The following PCDH15 variants were observed in gnomAD, a reference collection of about 807,000 sequenced individuals.
The protein encoded by PCDH15 is protocadherin-15.
In PCDH15, 129 loss-of-function variants were observed where a neutral mutation model predicts 178.5. The ratio of observed to expected loss-of-function variants is 0.72; its 90% CI spans 0.63 to 0.84. The LOEUF (loss-of-function observed/expected upper bound fraction) is 0.84. Ranked by LOEUF, PCDH15 falls within the 40% of genes least tolerant of loss-of-function variation. The probability of loss-of-function intolerance (pLI) is 0.00; values close to 1 mark genes in which losing one functional copy is unlikely to be tolerated. For missense variants in PCDH15, 2,230 were observed against 2,099.9 expected (o/e 1.06, Z -1.21); for synonymous variants, 800 against 732.0 (o/e 1.09, Z -1.50).
At chr10:54,336,446 C>T (rs1255649269) in intron 6 of PCDH15, among the ~76,000 whole-genome samples, 1 of 152,148 alleles carries the variant, frequency 6.6e-6, no homozygotes, top group South Asian at 2.1e-4. Context: ...CCTGGACCCC[C>T]CTTTCCGTGT....
At chr10:55,414,945 G>A (rs1565115210) in intron 2 of PCDH15, among the ~76,000 whole-genome samples, 1 of 151,460 alleles carries the variant, frequency 6.6e-6, no homozygotes, top group East Asian at 1.9e-4. Flanking sequence ...GTTCTTGCTA[G>A]TATCTAGCAC....
intron 3 of PCDH15, among the ~76,000 whole-genome samples, chr10:54,839,516 T>C (rs866177272): frequency 3.3e-5 from 5 of 152,140 alleles, no homozygotes; most frequent in African/African-American, 4.8e-5. Flanking sequence ...AGAGGATCCA[T>C]GGACAGCATC....
At chr10:55,418,905 G>T (rs1589008492) in intron 2 of PCDH15, among the ~76,000 whole-genome samples, 1 of 151,160 alleles carries the variant, frequency 6.6e-6, no homozygotes, top group Non-Finnish European at 1.5e-5. Context: ...ATGAGGAAGA[G>T]TTGGAGAATG....
chr10:55,006,664 C>T (rs948655653), intron 2 of PCDH15, among the ~76,000 whole-genome samples: 12 of 152,130 alleles, frequency 7.9e-5, no homozygotes, highest in African/African-American at 2.7e-4. Context: ...GGGGCTGAAC[C>T]CTGCAAAGCC....
At chr10:54,785,284 TTC>T (rs1247549350) in intron 1 of PCDH15, among the ~76,000 whole-genome samples, 3 of 152,044 alleles carry the variant, frequency 2.0e-5, no homozygotes, top group South Asian at 2.1e-4. Context: ...CAACATTTTT[TTC>T]TCTTATTGTT....
chr10:54,715,691 T>C (rs67541810), intron 1 of PCDH15, among the ~76,000 whole-genome samples: 18,533 of 151,918 alleles, frequency 0.12, 1,264 homozygotes, highest in African/African-American at 0.17. Context: ...ACACAGACAA[T>C]TTAGTACAGC....
At chr10:54,124,529 A>C (rs1267470689) in intron 15 of PCDH15, among the ~76,000 whole-genome samples, 1 of 152,264 alleles carries the variant, frequency 6.6e-6, no homozygotes, top group African/African-American at 2.4e-5. Flanking sequence ...GGAATTTGCC[A>C]GATGAACAAG....
At chr10:55,178,848 C>T (rs7915297) in intron 1 of PCDH15, among the ~76,000 whole-genome samples, 71,851 of 151,812 alleles carry the variant, frequency 0.47, 17,318 homozygotes, top group East Asian at 0.67. Context: ...CCTGAATGCC[C>T]ATGGGATTAT....
At chr10:54,752,869 A>G (rs1946539823) in intron 1 of PCDH15, among the ~76,000 whole-genome samples, 1 of 152,140 alleles carries the variant, frequency 6.6e-6, no homozygotes, top group Non-Finnish European at 1.5e-5. Flanking sequence ...CATCTAAAAC[A>G]GGGTAAAATT....
intron 2 of PCDH15, among the ~76,000 whole-genome samples, chr10:54,920,468 CAAAAAA>C (rs71014429): frequency 5.2e-5 from 3 of 57,790 alleles, no homozygotes; most frequent in Non-Finnish European, 9.1e-5. Flanking sequence ...GACTGTGTCT[CAAAAAA>C]AAAAAAAAAA....
chr10:55,535,296 G>A (rs1841549088), intron 2 of PCDH15, among the ~76,000 whole-genome samples: 1 of 151,996 alleles, frequency 6.6e-6, no homozygotes, highest in Non-Finnish European at 1.5e-5. Context: ...ATGCTTCCAG[G>A]AACATTTGAG....
At chr10:54,558,170 C>T (rs142206774) in intron 2 of PCDH15, among the ~76,000 whole-genome samples, 495 of 152,178 alleles carry the variant, frequency 3.3e-3, no homozygotes, top group African/African-American at 0.011. Context: ...TATTATTTAT[C>T]CTCCAGCTTA....
intron 27 of PCDH15, among the ~76,000 whole-genome samples, chr10:53,858,523 G>A (rs1391300680): frequency 6.6e-6 from 1 of 152,116 alleles, no homozygotes; most frequent in African/African-American, 2.4e-5. Flanking sequence ...AGATATTTCA[G>A]TTTTTCAGGA....
intron 15 of PCDH15, among the ~76,000 whole-genome samples, chr10:54,091,211 C>T (rs16937897): frequency 0.015 from 2,246 of 152,234 alleles, 60 homozygotes; most frequent in African/African-American, 0.05. Flanking sequence ...AGAGAGTTGA[C>T]AGAATGATCT....
At chr10:54,295,492 C>T (rs868144940) in intron 8 of PCDH15, among the ~76,000 whole-genome samples, 1 of 152,174 alleles carries the variant, frequency 6.6e-6, no homozygotes, top group African/African-American at 2.4e-5. Context: ...TCTTAGGGTC[C>T]ACACCACCTT....
intron 32 of PCDH15, chr10:53,822,634 AG>A: frequency 6.2e-7 from 1 of 1,614,090 alleles, no homozygotes; most frequent in South Asian, 1.1e-5. Context: ...GAAAGTTCCA[AG>A]GAACACTCAG....
chr10:54,300,298 AG>A (rs1300960108), intron 8 of PCDH15, among the ~76,000 whole-genome samples: 1 of 152,146 alleles, frequency 6.6e-6, no homozygotes, highest in Non-Finnish European at 1.5e-5. Flanking sequence ...TCCACTTTCT[AG>A]GTCCGGTAGC....
At chr10:55,488,166 A>G (rs1840338666) in intron 2 of PCDH15, among the ~76,000 whole-genome samples, 1 of 151,638 alleles carries the variant, frequency 6.6e-6, no homozygotes, top group South Asian at 2.1e-4. Flanking sequence ...CACCATTTTA[A>G]AATTGGTATT....
chr10:55,455,584 CG>C (rs1839532393), intron 2 of PCDH15, among the ~76,000 whole-genome samples: 1 of 143,862 alleles, frequency 7.0e-6, no homozygotes, highest in Non-Finnish European at 1.5e-5. Flanking sequence ...ACTGTTTCTT[CG>C]TTGCTGTGAT....
Sources: allele counts gnomAD v4.1 joint callset (sites outside exome capture counted in the v4.1 genomes callset), GRCh38; gene constraint gnomAD v4.1.1; transcripts MANE v1.5; gene names NCBI Gene and HGNC (gene_info 2026-07-23, HGNC 2026-07-21).